NKAIN2: variants seen among roughly 807,000 people sequenced by gnomAD.
NKAIN2 encodes the protein sodium/potassium-transporting ATPase subunit beta-1-interacting protein 2.
NKAIN2 carries 14 observed loss-of-function variants against 32.6 expected under a neutral mutation model. That is an observed-to-expected ratio of 0.43 (90% confidence interval 0.28 to 0.67). The LOEUF is 0.67. NKAIN2 is among the 30% of genes least tolerant of loss of function. The probability of loss-of-function intolerance (pLI) is 0.17; values close to 1 mark genes in which losing one functional copy is unlikely to be tolerated. For missense variants in NKAIN2, 198 were observed against 258.3 expected (o/e 0.77, Z 1.60); for synonymous variants, 80 against 87.2 (o/e 0.92, Z 0.46).
intron 3 of NKAIN2, among the ~76,000 whole-genome samples, chr6:124,542,048 T>C (rs1470089799): frequency 6.6e-6 from 1 of 152,098 alleles, no homozygotes; most frequent in Non-Finnish European, 1.5e-5. Flanking sequence ...TATTTAAAAA[T>C]TAAATTTTAG....
At chr6:124,336,169 A>G (rs719581) in intron 2 of NKAIN2, among the ~76,000 whole-genome samples, 20,679 of 152,264 alleles carry the variant, frequency 0.14, 1,546 homozygotes, top group African/African-American at 0.2. Context: ...AGATACCTCT[A>G]TTCTTCTGTT....
chr6:123,858,686 G>A (rs1010359269), intron 1 of NKAIN2, among the ~76,000 whole-genome samples: 1 of 152,164 alleles, frequency 6.6e-6, no homozygotes, highest in Non-Finnish European at 1.5e-5. Flanking sequence ...CAGAATCACA[G>A]CCATATTGGG....
Position 123,953,446 on chromosome 6 carries a change from C to T in NKAIN2, c.54+149192C>T, listed in dbSNP as rs147362944. On this transcript the variant is annotated intron_variant, in intron 1 of 6. Coordinates refer to ENST00000368417, the MANE Select transcript of NKAIN2 (RefSeq NM_001040214.3). ...CCCCTGGGCAGTAGGCAAGTGAAGGCAATGGCAGTAATAATGGTAGAAATA... is the reference window on the plus strand; with the variant it reads ...CCCCTGGGCAGTAGGCAAGTGAAGGTAATGGCAGTAATAATGGTAGAAATA... Among the ~76,000 whole-genome samples the T allele has an allele frequency of 2.3e-4, 35 of 152,218 alleles. No homozygotes were observed. The East Asian group carries it at 3.5e-3, about 15-fold the overall frequency.
At position 124,298,361 on chromosome 6, in the gene NKAIN2, G is replaced by C. The variant is rs183739803; in HGVS notation, c.192+15219G>C. Among the ~76,000 whole-genome samples the C allele has an allele frequency of 1.4e-3, 220 of 151,786 alleles. 1 individual carries two copies. Among genetic ancestry groups the C allele is most frequent in the Middle Eastern group, 6.8e-3 (2 of 294 alleles). ...TTCCATTATGATTTTCAACTTTCAT[G>C]GTTCAGCAGAAAAAAGTCCACTACT... On this transcript the variant is annotated intron_variant, in intron 2 of 6. Transcript: ENST00000368417.
At chr6:124,544,595 T>C (rs1780026681) in intron 3 of NKAIN2, among the ~76,000 whole-genome samples, 1 of 151,888 alleles carries the variant, frequency 6.6e-6, no homozygotes, top group Non-Finnish European at 1.5e-5. Context: ...TGTCACAGAA[T>C]AGCCTAGGTT....
chr6:124,806,819 A>G (rs1780589422), intron 5 of NKAIN2, among the ~76,000 whole-genome samples: 2 of 151,680 alleles, frequency 1.3e-5, no homozygotes, highest in African/African-American at 4.8e-5. Context: ...GGAAAACAAA[A>G]AAAGGCAGGG....
intron 1 of NKAIN2, among the ~76,000 whole-genome samples, chr6:124,140,608 G>C (rs1018659489): frequency 2.0e-5 from 3 of 152,090 alleles, no homozygotes; most frequent in Non-Finnish European, 4.4e-5. Flanking sequence ...GGCATGTAGG[G>C]CTAGGACATC....
At chr6:124,325,297 G>C (rs1797366798) in intron 2 of NKAIN2, among the ~76,000 whole-genome samples, 1 of 152,012 alleles carries the variant, frequency 6.6e-6, no homozygotes, top group Admixed American at 6.6e-5. Flanking sequence ...ATATTATATT[G>C]CTAGTGGGGA....
intron 1 of NKAIN2, among the ~76,000 whole-genome samples, chr6:123,963,457 G>A (rs77487306): frequency 0.01 from 1,560 of 152,290 alleles, 27 homozygotes; most frequent in African/African-American, 0.035. Flanking sequence ...TTGATGTAGT[G>A]TAGTAGTGTG....
intron 1 of NKAIN2, among the ~76,000 whole-genome samples, chr6:123,831,688 C>T (rs2114914201): frequency 7.0e-6 from 1 of 143,816 alleles, no homozygotes; most frequent in African/African-American, 2.6e-5. Context: ...CGGAGTTTTG[C>T]TCTGTCGCCC....
intron 4 of NKAIN2, among the ~76,000 whole-genome samples, chr6:124,764,595 G>A (rs1414736449): frequency 6.6e-6 from 1 of 152,124 alleles, no homozygotes; most frequent in African/African-American, 2.4e-5. Context: ...TCCAGTCTAG[G>A]GGTGGAGGGA....
At chr6:124,227,978 G>A (rs570245342) in intron 1 of NKAIN2, among the ~76,000 whole-genome samples, 1 of 152,254 alleles carries the variant, frequency 6.6e-6, no homozygotes, top group South Asian at 2.1e-4. Context: ...TTGGGTTCTG[G>A]TGAAGACCCT....
At chr6:124,244,359 C>T (rs915039338) in intron 1 of NKAIN2, among the ~76,000 whole-genome samples, 11 of 150,284 alleles carry the variant, frequency 7.3e-5, no homozygotes, top group Admixed American at 6.7e-5. Flanking sequence ...TTTGTTCTTG[C>T]GATAGTTTAC....
chr6:124,711,780 C>T (rs1413147508), intron 4 of NKAIN2, among the ~76,000 whole-genome samples: 2 of 152,106 alleles, frequency 1.3e-5, no homozygotes, highest in Non-Finnish European at 2.9e-5. Context: ...TCCCATAGCT[C>T]AGAGTAATTT....
intron 4 of NKAIN2, among the ~76,000 whole-genome samples, chr6:124,701,580 A>C (rs1774794709): frequency 6.6e-6 from 1 of 152,154 alleles, no homozygotes; most frequent in Admixed American, 6.6e-5. Context: ...GTTAACTGGG[A>C]TCTATTACCT....
intron 1 of NKAIN2, among the ~76,000 whole-genome samples, chr6:123,859,844 C>G (rs1456387466): frequency 1.3e-5 from 2 of 152,160 alleles, no homozygotes; most frequent in Non-Finnish European, 2.9e-5. Context: ...GCACATGCCA[C>G]AATGCCTGGC....
intron 2 of NKAIN2, among the ~76,000 whole-genome samples, chr6:124,296,585 A>G (rs1796064630): frequency 6.6e-6 from 1 of 152,180 alleles, no homozygotes; most frequent in African/African-American, 2.4e-5. Context: ...TGAAAACCAG[A>G]TTATAGATGT....
chr6:124,379,578 G>A (rs1303850437), intron 3 of NKAIN2, among the ~76,000 whole-genome samples: 2 of 152,006 alleles, frequency 1.3e-5, no homozygotes, highest in Non-Finnish European at 2.9e-5. Context: ...AATTCTGTGT[G>A]GGAAAAAGGT....
intron 5 of NKAIN2, chr6:124,804,409 CTTTA>C (rs1311218279): frequency 5.3e-5 from 33 of 627,350 alleles, no homozygotes; most frequent in Non-Finnish European, 6.6e-5. Context: ...TAACGATATA[CTTTA>C]TTTATTATGA....
Sources: gnomAD v4.1 joint callset for allele counts (sites outside exome capture counted in the v4.1 genomes callset) on GRCh38, gnomAD v4.1.1 for gene constraint, MANE v1.5 for transcripts, NCBI Gene and HGNC (gene_info 2026-07-23, HGNC 2026-07-21) for gene names.